The following ZIM3 variants were observed in gnomAD, a reference collection of about 807,000 sequenced individuals.
The protein encoded by ZIM3 is zinc finger protein 657.
ZIM3 carries 11 observed loss-of-function variants against 12.9 expected under a neutral mutation model. That is an observed-to-expected ratio of 0.85 (90% confidence interval 0.54 to 1.41). The LOEUF is 1.41. Ranked by LOEUF, ZIM3 falls within the 40% of genes most tolerant of loss-of-function variation. The pLI is 0.00. For missense variants in ZIM3, 604 were observed against 557.2 expected (o/e 1.08, Z -0.85); for synonymous variants, 205 against 198.5 (o/e 1.03, Z -0.28).
At chr19:57,144,225 T>C (rs1196776845) in intron 1 of ZIM3, among the ~76,000 whole-genome samples, 1 of 151,806 alleles carries the variant, frequency 6.6e-6, no homozygotes, top group African/African-American at 2.4e-5. Context: ...TAACTTTTTA[T>C]TTTTTGTAAA....
At chr19:57,136,218 CA>C in intron 4 of ZIM3, 123 bp from the exon 5 acceptor site, 1 of 855,692 alleles carries the variant, frequency 1.2e-6, no homozygotes, top group Non-Finnish European at 1.8e-6. Flanking sequence ...TACGAGAAAC[CA>C]AAGTTAATAT....
At chr19:57,143,491 G>A (rs2086924157) in intron 1 of ZIM3, among the ~76,000 whole-genome samples, 2 of 152,116 alleles carry the variant, frequency 1.3e-5, no homozygotes, top group Non-Finnish European at 2.9e-5. Flanking sequence ...CTGTGGTCGT[G>A]ACGAATAACG....
intron 1 of ZIM3, among the ~76,000 whole-genome samples, chr19:57,143,203 C>T (rs984139871): frequency 5.9e-5 from 9 of 152,010 alleles, no homozygotes; most frequent in South Asian, 4.1e-4. Context: ...TGGTGGCGGG[C>T]GCCTGTAGTC....
At chr19:57,142,608 A>G in intron 2 of ZIM3, 21 bp downstream of exon 2, 5 of 1,613,312 alleles carry the variant, frequency 3.1e-6, no homozygotes, top group Non-Finnish European at 4.2e-6. Flanking sequence ...TATGAGATTT[A>G]GATTTTTTTG....
Position 57,135,868 on chromosome 19 carries a change from T to C in ZIM3, c.469A>G (p.Asn157Asp), listed in dbSNP as rs7252632. 0.65 allele frequency: 1,052,841 copies of C among 1,613,826 alleles called. 347,145 individuals carry two copies. The highest frequency in any genetic ancestry group is 0.93 in the East Asian group (41,626 of 44,850). Residue 157 changes from asparagine (N) to aspartate (D), a missense_variant, in exon 5 of 5, where the codon AAT (asparagine) becomes GAT (aspartate). Physicochemically the swap from Asn to Asp is conservative, Grantham distance 23. Coordinates refer to ENST00000269834, the MANE Select transcript of ZIM3 (RefSeq NM_052882.1). The part of the protein sequence containing the change: ...DDNGYRKLVG[N>D]NPSKFVGQQL... ...TGTCCTACAAATTTGGATGGATTATTGCCAACTAATTTTCTGTATCCATTA... is the reference window on the plus strand; with the variant it reads ...TGTCCTACAAATTTGGATGGATTATCGCCAACTAATTTTCTGTATCCATTA...
chr19:57,144,093 C>A (rs1344636947), intron 1 of ZIM3, among the ~76,000 whole-genome samples: 1 of 151,788 alleles, frequency 6.6e-6, no homozygotes, highest in Non-Finnish European at 1.5e-5. Flanking sequence ...ATTCTGTCAC[C>A]CAGGCTGGAG....
chr19:57,135,231 C>A lies in ZIM3; in HGVS notation c.1106G>T (p.Gly369Val). 1 of 1,613,870 alleles carries A rather than the reference C, an allele frequency of 6.2e-7. No individual in the cohort carries two copies. Among genetic ancestry groups the A allele is most frequent in the Non-Finnish European group, 8.5e-7 (1 of 1,179,956 alleles). ...GKRAYECDLC[G>V]NTFIQKKNLI... ...GTTTTTCTTCTGGATAAAGGTATTT[C>A]CACATAGATCACACTCATAAGCTCT... The change falls in exon 5 of 5, where the codon GGA becomes GTA. Residue 369 changes from glycine (G) to valine (V), a missense_variant. Physicochemically the swap from Gly to Val is moderately radical, Grantham distance 109. Coordinates refer to ENST00000269834, the MANE Select transcript of ZIM3 (RefSeq NM_052882.1).
In ZIM3 at chr19:57,134,668, C is replaced by A. The variant is rs975069395; in HGVS notation, c.*250G>T. 1.8e-5 allele frequency: 8 copies of A among 439,620 alleles called. No individual in the cohort carries two copies. Among genetic ancestry groups the A allele is most frequent in the African/African-American group, 1.6e-4 (8 of 50,758 alleles). 27.2% of individuals were successfully genotyped at this position (439,620 alleles called of 1,614,324 possible). ...ATAAAACTCCATCAGGGTTTTAGCACATTTGGTTTATTGCTACATCTTCAG... is the reference window on the plus strand; with the variant it reads ...ATAAAACTCCATCAGGGTTTTAGCAAATTTGGTTTATTGCTACATCTTCAG... On this transcript the variant is annotated 3_prime_UTR_variant, in exon 5 of 5. Transcript: ENST00000269834.
At chr19:57,142,715 T>C (rs1349419146) in intron 1 of ZIM3, 30 bp from the exon 2 acceptor site, 1 of 1,568,200 alleles carries the variant, frequency 6.4e-7, no homozygotes, top group Non-Finnish European at 8.8e-7. Context: ...AACCATGAAA[T>C]AGCAGAATTC....
In ZIM3 at chr19:57,134,859, C is replaced by G; in HGVS notation, c.*59G>C. The G allele has an allele frequency of 6.6e-7, 1 of 1,507,580 alleles. No individual in the cohort carries two copies. Among genetic ancestry groups the G allele is most frequent in the Non-Finnish European group, 8.9e-7 (1 of 1,119,490 alleles). The allele number at this position is 1,507,580 out of a possible 1,614,324, so 93.4% of individuals were successfully genotyped here. A position where few individuals can be genotyped will look rare whatever the true frequency, so the allele number is the denominator to read the frequency against. ...TTAGAGGCCATTTCAACATGGAATT[C>G]TGGGGTGACAATTCCAGGCAACCAT... On this transcript the variant is annotated 3_prime_UTR_variant, in exon 5 of 5. Transcript: ENST00000269834.
intron 1 of ZIM3, 32 bp from the exon 2 acceptor site, chr19:57,142,717 G>A: frequency 2.6e-6 from 4 of 1,560,542 alleles, no homozygotes; most frequent in Non-Finnish European, 3.5e-6. Context: ...CCATGAAATA[G>A]CAGAATTCGC....
At position 57,142,483 on chromosome 19, in the gene ZIM3, A is replaced by G. The variant is rs2086917899; in HGVS notation, c.15+146T>C. The stretch of plus-strand genomic sequence containing the variant: ...TGTTTCAGCTTTAATAGGAAAGCAG[A>G]AAGTAGAGTGTGTGTTACCTTTTAA... On this transcript the variant is annotated intron_variant, in intron 2 of 4. Coordinates refer to ENST00000269834, the MANE Select transcript of ZIM3 (RefSeq NM_052882.1). 1.8e-5 allele frequency: 15 copies of G among 833,246 alleles called. No individual in the cohort carries two copies. In the East Asian group the frequency reaches 3.9e-4, roughly 22 times the overall value. 51.6% of individuals were successfully genotyped at this position (833,246 alleles called of 1,614,324 possible). A position where few individuals can be genotyped will look rare whatever the true frequency, so the allele number is the denominator to read the frequency against.
rs545470887 is a variant in ZIM3, at chr19:57,143,331, A to C, written c.-42-646T>G. Among the ~76,000 whole-genome samples the C allele has an allele frequency of 5.4e-3, 735 of 136,096 alleles. 7 individuals are homozygous for C. Among genetic ancestry groups the C allele is most frequent in the African/African-American group, 0.018 (653 of 36,128 alleles). 89.3% of individuals were successfully genotyped at this position (136,096 alleles called of 152,430 possible). ...GGGCGACAGAGCGAGACTCCGTCCC[A>C]AAAAAAAAAAAAAAGAGAGAGAGAG... On this transcript the variant is annotated intron_variant, in intron 1 of 4. Transcript: ENST00000269834.
Position 57,135,211 on chromosome 19 carries a change from T to C in ZIM3, c.1126A>G (p.Lys376Glu). Residue 376 changes from lysine to glutamate, a missense_variant, in exon 5 of 5, where the codon AAA becomes GAA. By Grantham distance (56) the Lys-to-Glu change is moderately conservative. Coordinates refer to ENST00000269834, the MANE Select transcript of ZIM3 (RefSeq NM_052882.1). Reference sequence around the variant, plus strand: ...ATTTTTTTATGTTGAATGAGGTTTTTCTTCTGGATAAAGGTATTTCCACAT... The same window carrying C: ...ATTTTTTTATGTTGAATGAGGTTTTCCTTCTGGATAAAGGTATTTCCACAT... ...DLCGNTFIQK[K>E]NLIQHKKIHT... 28 of 1,613,786 alleles carry C rather than the reference T, an allele frequency of 1.7e-5. No individual in the cohort carries two copies. The highest frequency in any genetic ancestry group is 2.3e-5 in the Non-Finnish European group (27 of 1,179,902).
At chr19:57,138,069 AG>A (rs2086897500) in intron 3 of ZIM3, among the ~76,000 whole-genome samples, 2 of 113,512 alleles carry the variant, frequency 1.8e-5, no homozygotes, top group African/African-American at 7.1e-5. Context: ...GAAGGAAGGA[AG>A]GAAGGAAAGA....
intron 4 of ZIM3, 83 bp from the exon 5 acceptor site, chr19:57,136,178 G>T: frequency 7.7e-7 from 1 of 1,303,700 alleles, no homozygotes; most frequent in Non-Finnish European, 1.1e-6. Flanking sequence ...AATCTATTGT[G>T]GTGATTATTC....
chr19:57,144,728 C>A (rs2086929917), intron 1 of ZIM3, 131 bp downstream of exon 1: 2 of 151,878 alleles, frequency 1.3e-5, no homozygotes, highest in African/African-American at 4.8e-5. Context: ...ATCTAAACTA[C>A]CAATGTAAAA....
chr19:57,143,009 C>A (rs1382443617), intron 1 of ZIM3, among the ~76,000 whole-genome samples: 2 of 152,014 alleles, frequency 1.3e-5, no homozygotes. Context: ...GCCTGTCCAA[C>A]ATGGTGAAAC....
chr19:57,143,330 CAAA>C (rs1285167863), intron 1 of ZIM3, among the ~76,000 whole-genome samples: 3 of 112,476 alleles, frequency 2.7e-5, no homozygotes, highest in Admixed American at 9.5e-5. Context: ...GACTCCGTCC[CAAA>C]AAAAAAAAAA....
Sources: allele counts gnomAD v4.1 joint callset (sites outside exome capture counted in the v4.1 genomes callset), GRCh38; gene constraint gnomAD v4.1.1; transcripts MANE v1.5; gene names NCBI Gene and HGNC (gene_info 2026-07-23, HGNC 2026-07-21).